The following PDE1A variants were observed in gnomAD, a reference collection of about 807,000 sequenced individuals.
PDE1A encodes phosphodiesterase 1A, also known as dual specificity calcium/calmodulin-dependent 3',5'-cyclic nucleotide phosphodiesterase 1A.
In PDE1A, 35 loss-of-function variants were observed where a neutral mutation model predicts 61.7. That is an observed-to-expected ratio of 0.57 (90% CI 0.43 to 0.75). The LOEUF is 0.75. Ranked by LOEUF, PDE1A falls within the 30% of genes least tolerant of loss-of-function variation. The pLI, the probability that PDE1A is intolerant of heterozygous loss-of-function variation, is 0.00. For missense variants in PDE1A, 597 were observed against 630.6 expected (o/e 0.95, Z 0.57); for synonymous variants, 232 against 213.2 (o/e 1.09, Z -0.77).
intron 8 of PDE1A, among the ~76,000 whole-genome samples, chr2:182,202,169 T>C (rs1686711910): frequency 1.3e-5 from 2 of 152,136 alleles, no homozygotes; most frequent in African/African-American, 4.8e-5. Flanking sequence ...TTTCAATGCT[T>C]TGAGGAAAAA....
At chr2:182,462,368 GTA>G (rs759548913) in intron 2 of PDE1A, among the ~76,000 whole-genome samples, 2 of 150,688 alleles carry the variant, frequency 1.3e-5, no homozygotes, top group Admixed American at 6.6e-5. Context: ...ATATGTGTGT[GTA>G]TATATATATA....
chr2:182,169,158 T>C (rs1157362892), intron 13 of PDE1A, among the ~76,000 whole-genome samples: 1 of 152,108 alleles, frequency 6.6e-6, no homozygotes. Flanking sequence ...TGGCTACATA[T>C]GGGTTTTAGA....
chr2:182,328,868 G>A (rs1234961987), intron 1 of PDE1A, among the ~76,000 whole-genome samples: 1 of 152,156 alleles, frequency 6.6e-6, no homozygotes, highest in Non-Finnish European at 1.5e-5. Context: ...GAAGAATGGT[G>A]TTGGACAGCA....
chr2:182,401,656 G>A (rs1172221340), intron 1 of PDE1A, among the ~76,000 whole-genome samples: 1 of 152,192 alleles, frequency 6.6e-6, no homozygotes, highest in Admixed American at 6.5e-5. Flanking sequence ...GTTCAACATA[G>A]TGTTGAAAGT....
At chr2:182,378,628 C>T (rs1366946707) in intron 1 of PDE1A, among the ~76,000 whole-genome samples, 1 of 152,150 alleles carries the variant, frequency 6.6e-6, no homozygotes, top group African/African-American at 2.4e-5. Flanking sequence ...CTGTAAGTTA[C>T]ACTTAGACCC....
At chr2:182,614,920 A>G in the PDE1A span, among the ~76,000 whole-genome samples, 1 of 152,220 alleles carries the variant, frequency 6.6e-6, no homozygotes, top group Non-Finnish European at 1.5e-5. Context: ...AGCATGAAAC[A>G]AAAATGATTT....
At chr2:182,433,701 T>C (rs1559459522) in intron 2 of PDE1A, among the ~76,000 whole-genome samples, 1 of 152,054 alleles carries the variant, frequency 6.6e-6, no homozygotes, top group Non-Finnish European at 1.5e-5. Context: ...TTCATTTCAT[T>C]GGGTGCATAA....
the PDE1A span, among the ~76,000 whole-genome samples, chr2:182,665,008 T>G: frequency 6.6e-6 from 1 of 152,222 alleles, no homozygotes; most frequent in African/African-American, 2.4e-5. Context: ...CATCTTCTTT[T>G]AAAGTTTATA....
chr2:182,380,235 C>T (rs922049005), intron 1 of PDE1A, among the ~76,000 whole-genome samples: 19 of 151,958 alleles, frequency 1.3e-4, no homozygotes, highest in African/African-American at 3.1e-4. Flanking sequence ...CTCAGCCTCC[C>T]GAGTAGCTGC....
At chr2:182,663,187 A>T in the PDE1A span, among the ~76,000 whole-genome samples, 3 of 152,154 alleles carry the variant, frequency 2.0e-5, no homozygotes, top group Non-Finnish European at 4.4e-5. Flanking sequence ...AATAATAGAC[A>T]CTGGCAAGGT....
At chr2:182,285,410 C>A (rs1694090446) in intron 1 of PDE1A, among the ~76,000 whole-genome samples, 1 of 151,934 alleles carries the variant, frequency 6.6e-6, no homozygotes, top group Non-Finnish European at 1.5e-5. Context: ...AATTTGCTAA[C>A]CACTAATTTA....
the PDE1A span, among the ~76,000 whole-genome samples, chr2:182,665,984 C>T: frequency 6.6e-6 from 1 of 152,120 alleles, no homozygotes; most frequent in Non-Finnish European, 1.5e-5. Context: ...GGAAACACCC[C>T]ATGTTCTCAC....
At chr2:182,162,148 T>C (rs1365157726) in intron 13 of PDE1A, among the ~76,000 whole-genome samples, 3 of 152,202 alleles carry the variant, frequency 2.0e-5, no homozygotes, top group Admixed American at 2.0e-4. Context: ...AAGATCTCTG[T>C]GATTGCTCTT....
At chr2:182,148,124 A>C (rs1435489975) in intron 13 of PDE1A, among the ~76,000 whole-genome samples, 1 of 152,204 alleles carries the variant, frequency 6.6e-6, no homozygotes, top group Non-Finnish European at 1.5e-5. Flanking sequence ...TCATTCTTAG[A>C]GAACTAAAAA....
intron 1 of PDE1A, among the ~76,000 whole-genome samples, chr2:182,308,632 T>C (rs1695755733): frequency 6.6e-6 from 1 of 152,232 alleles, no homozygotes; most frequent in East Asian, 1.9e-4. Context: ...TGGTCAAGCA[T>C]AGTTTTTTAA....
chr2:182,665,235 TTAAAC>T, the PDE1A span, among the ~76,000 whole-genome samples: 4 of 152,146 alleles, frequency 2.6e-5, no homozygotes, highest in African/African-American at 4.8e-5. Flanking sequence ...TGGGTCCTAA[TTAAAC>T]TAAAGAGCTT....
At chr2:182,321,593 T>A (rs1696695604) in intron 1 of PDE1A, among the ~76,000 whole-genome samples, 1 of 152,154 alleles carries the variant, frequency 6.6e-6, no homozygotes, top group Admixed American at 6.5e-5. Flanking sequence ...AGTCTATTAC[T>A]TTGACAAGGA....
chr2:182,413,782 T>A (rs568012602), intron 1 of PDE1A, among the ~76,000 whole-genome samples: 1 of 152,186 alleles, frequency 6.6e-6, no homozygotes, highest in Non-Finnish European at 1.5e-5. Context: ...TGGGAAATCC[T>A]CTTGTAATCC....
chr2:182,611,706 T>C, the PDE1A span, among the ~76,000 whole-genome samples: 1 of 151,766 alleles, frequency 6.6e-6, no homozygotes, highest in Non-Finnish European at 1.5e-5. Context: ...CATTTAACAA[T>C]TTATATTGCC....
Sources: gnomAD v4.1 joint callset for allele counts (sites outside exome capture counted in the v4.1 genomes callset) on GRCh38, gnomAD v4.1.1 for gene constraint, MANE v1.5 for transcripts, NCBI Gene and HGNC (gene_info 2026-07-23, HGNC 2026-07-21) for gene names.